The following DDX42 variants were observed in gnomAD, a reference collection of about 807,000 sequenced individuals.
The protein encoded by DDX42 is ATP-dependent RNA helicase DDX42.
A neutral mutation model predicts 101.5 loss-of-function variants in DDX42; 22 were observed. That is an observed-to-expected ratio of 0.22 (90% CI 0.15 to 0.31). The LOEUF is 0.31. DDX42 is among the 10% of genes least tolerant of loss of function. The probability of loss-of-function intolerance (pLI) is 1.00; values close to 1 mark genes in which losing one functional copy is unlikely to be tolerated. For missense variants in DDX42, 849 were observed against 1,199.9 expected (o/e 0.71, Z 4.32); for synonymous variants, 402 against 401.2 (o/e 1.00, Z -0.02).
intron 16 of DDX42, among the ~76,000 whole-genome samples, chr17:63,816,257 T>C (rs2039975732): frequency 6.6e-6 from 1 of 152,204 alleles, no homozygotes. Context: ...AGTATACTTT[T>C]CTGGAGCATT....
chr17:63,808,772 T>A (rs775731255), intron 9 of DDX42, 48 bp from the exon 10 acceptor site: 3 of 1,604,314 alleles, frequency 1.9e-6, no homozygotes, highest in Admixed American at 3.4e-5. Flanking sequence ...TTGTGACAGG[T>A]ATTTGTTAGT....
At chr17:63,774,414 C>T (rs1361782289) in intron 1 of DDX42, 38 bp downstream of exon 1, 1 of 220,638 alleles carries the variant, frequency 4.5e-6, no homozygotes, top group African/African-American at 2.4e-5. Context: ...GGCCGCCAGT[C>T]CTTGGGGGCA....
At chr17:63,777,482 C>G (rs2039435458) in intron 1 of DDX42, among the ~76,000 whole-genome samples, 1 of 146,500 alleles carries the variant, frequency 6.8e-6, no homozygotes, top group South Asian at 2.2e-4. Flanking sequence ...GAGTCTCACT[C>G]TGTCGCCCAG....
chr17:63,808,708 C>A, intron 9 of DDX42, 112 bp from the exon 10 acceptor site: 1 of 1,315,568 alleles, frequency 7.6e-7, no homozygotes, highest in Non-Finnish European at 1.1e-6. Context: ...AAAGTATGTT[C>A]TAGGTTTCGA....
intron 2 of DDX42, among the ~76,000 whole-genome samples, chr17:63,788,356 G>A (rs968696327): frequency 1.4e-5 from 2 of 147,610 alleles, no homozygotes; most frequent in Non-Finnish European, 3.0e-5. Context: ...ACCCAGGCTG[G>A]AATGCAGTAG....
chr17:63,796,088 C>T (rs746608296), intron 3 of DDX42, among the ~76,000 whole-genome samples: 2 of 152,210 alleles, frequency 1.3e-5, no homozygotes, highest in African/African-American at 4.8e-5. Context: ...GTCTTGTATG[C>T]GTTGTTTTCT....
chr17:63,792,604 AAT>A (rs754275041), intron 3 of DDX42, 42 bp downstream of exon 3: 1 of 1,568,004 alleles, frequency 6.4e-7, no homozygotes, highest in Non-Finnish European at 8.6e-7. Context: ...AGCAGTTAGA[AAT>A]AGATCAAGTT....
At chr17:63,801,065 T>C (rs922178484) in intron 6 of DDX42, among the ~76,000 whole-genome samples, 13 of 151,036 alleles carry the variant, frequency 8.6e-5, no homozygotes, top group African/African-American at 3.2e-4. Flanking sequence ...TTCTTCTTTT[T>C]CTCTCTCTCT....
chr17:63,785,867 T>A (rs1455238099), intron 1 of DDX42, among the ~76,000 whole-genome samples: 1 of 152,210 alleles, frequency 6.6e-6, no homozygotes, highest in Admixed American at 6.5e-5. Context: ...AACTGATCTT[T>A]TAAGTTTTGA....
At position 63,815,512 on chromosome 17, in the gene DDX42, TCTG is replaced by T. The variant is rs775016550; in HGVS notation, c.1903-50_1903-48del. On this transcript the variant is annotated intron_variant, in intron 15 of 17. Transcript: ENST00000389924. The stretch of plus-strand genomic sequence containing the variant: ...TTCCTCTTTGTCCTCGTTCTCTTCT[TCTG>T]TTCTTTTCTCCCTCCCTTGACTTAA... 4 of 1,388,290 alleles carry T rather than the reference TCTG, an allele frequency of 2.9e-6. No homozygotes were observed. The South Asian group carries it at 4.8e-5, about 17-fold the overall frequency. 86.0% of individuals were successfully genotyped at this position (1,388,290 alleles called of 1,614,324 possible). A position where few individuals can be genotyped will look rare whatever the true frequency, so the allele number is the denominator to read the frequency against.
rs1331377561 is a variant in DDX42 at position 63,808,650 on chromosome 17, T to TAATG, written c.1024-169_1024-166dup. ...TTTTAGATAATCTGTTGAGATGCAA[T>TAATG]AATGGTATTCCATTCATTTATACCT... On this transcript the variant is annotated intron_variant, in intron 9 of 17. Transcript: ENST00000389924. Among the ~76,000 whole-genome samples, 7 of 152,188 alleles carry TAATG rather than the reference T, an allele frequency of 4.6e-5. No individual in the cohort carries two copies. The East Asian group carries it at 1.3e-3, about 29-fold the overall frequency.
chr17:63,815,679 T>C lies in DDX42; in HGVS notation c.2013+6T>C. 6.3e-7 allele frequency: 1 copy of C among 1,591,680 alleles called. No individual in the cohort carries two copies. The highest frequency in any genetic ancestry group is 8.6e-7 in the Non-Finnish European group (1 of 1,161,196). On this transcript the variant is annotated splice_donor_region_variant and intron_variant, in intron 16 of 17. Transcript: ENST00000389924. ...GCCTGGGCTCTGAGAACATGGTGAGTCTAGACTACTACAGTAGTGCCTTTA... is the reference window on the plus strand; with the variant it reads ...GCCTGGGCTCTGAGAACATGGTGAGCCTAGACTACTACAGTAGTGCCTTTA...
intron 2 of DDX42, among the ~76,000 whole-genome samples, chr17:63,789,058 A>G (rs2039586696): frequency 6.6e-6 from 1 of 151,716 alleles, no homozygotes; most frequent in Non-Finnish European, 1.5e-5. Flanking sequence ...ACATGCCACC[A>G]TACCCTGCTA....
At position 63,813,372 on chromosome 17, in the gene DDX42, G is replaced by A. The variant is rs181666963; in HGVS notation, c.1820G>A (p.Ser607Asn). The change falls in exon 15 of 18, where the codon AGC becomes AAC. Residue 607 changes from serine to asparagine, a missense_variant. Around this residue, in one of 5 missense-constraint regions of DDX42, gnomAD observed 86 missense variants for 160.8 expected, o/e 0.53. Coordinates refer to ENST00000389924, the MANE Select transcript of DDX42 (RefSeq NM_203499.3). ...TATACCCTACTCACTCCCAAGGACA[G>A]CAATTTTGCTGGTGACCTGGTCCGG... ...VAYTLLTPKDSNFAGDLVRNL... is the reference protein window; with the variant it reads ...VAYTLLTPKDNNFAGDLVRNL... 4.6e-4 allele frequency: 740 copies of A among 1,614,130 alleles called. 5 individuals carry two copies. The highest frequency in any genetic ancestry group is 2.7e-5 in the Non-Finnish European group (32 of 1,180,024).
chr17:63,819,042 C>A lies in DDX42; in HGVS notation c.*644C>A, dbSNP rs991349247. 1.3e-5 allele frequency: 2 copies of A among 152,334 alleles called. No homozygotes were observed. Among genetic ancestry groups the A allele is most frequent in the Non-Finnish European group, 2.9e-5 (2 of 68,094 alleles). The allele number at this position is 152,334 out of a possible 1,614,324, so 9.4% of individuals were successfully genotyped here. A position where few individuals can be genotyped will look rare whatever the true frequency, so the allele number is the denominator to read the frequency against. On this transcript the variant is annotated 3_prime_UTR_variant, in exon 18 of 18. Coordinates refer to ENST00000389924, the MANE Select transcript of DDX42 (RefSeq NM_203499.3). ...GGAAAAGGTGATCCTGGTAACTGTTCCAGGATTGCTCCAGGTTTGAGATGG... is the reference window on the plus strand; with the variant it reads ...GGAAAAGGTGATCCTGGTAACTGTTACAGGATTGCTCCAGGTTTGAGATGG...
intron 15 of DDX42, among the ~76,000 whole-genome samples, chr17:63,814,675 CT>C (rs58211962): frequency 0.24 from 21,796 of 89,152 alleles, 726 homozygotes; most frequent in South Asian, 0.38. Context: ...GAGACATTTG[CT>C]TTTTTTTTTT....
chr17:63,787,314 T>C, intron 2 of DDX42, 44 bp downstream of exon 2: 2 of 1,585,878 alleles, frequency 1.3e-6, no homozygotes, highest in Non-Finnish European at 1.7e-6. Flanking sequence ...TGGACTTTGA[T>C]ATATTCATTC....
Position 63,818,151 on chromosome 17 carries a change from A to T in DDX42, c.2570A>T (p.His857Leu), listed in dbSNP as rs1469386505. 1 of 1,614,068 alleles carries T rather than the reference A, an allele frequency of 6.2e-7. No individual in the cohort carries two copies. Among genetic ancestry groups the T allele is most frequent in the Admixed American group, 1.7e-5 (1 of 60,016 alleles). The change falls in exon 18 of 18, where the codon CAT becomes CTT. Residue 857 changes from histidine (H) to leucine (L), a missense_variant. By Grantham distance (99) the His-to-Leu change is moderately conservative. Around this residue, in one of 5 missense-constraint regions of DDX42, gnomAD observed 300 missense variants for 304.9 expected, o/e 0.98. Coordinates refer to ENST00000389924, the MANE Select transcript of DDX42 (RefSeq NM_203499.3). ...AGCAGCAGCCGTCATACTGATGGCC[A>T]TCGGCACGGGGAGAACAGACATGGA... ...PESSSRHTDG[H>L]RHGENRHGGS...
intron 1 of DDX42, among the ~76,000 whole-genome samples, chr17:63,786,510 G>A (rs1241728256): frequency 1.3e-5 from 2 of 151,752 alleles, no homozygotes; most frequent in Non-Finnish European, 2.9e-5. Context: ...GTGTAATCTG[G>A]AACTCCTGGG....
Sources: allele counts gnomAD v4.1 joint callset (sites outside exome capture counted in the v4.1 genomes callset), GRCh38; gene constraint gnomAD v4.1.1; regional missense constraint gnomAD v4.1.1; transcripts MANE v1.5; gene names NCBI Gene and HGNC (gene_info 2026-07-23, HGNC 2026-07-21).